Variants in TCF4 observed in about 807,000 individuals in gnomAD.
The protein encoded by TCF4 is transcription factor 4, also known as SL3-3 enhancer factor 2.
Under a neutral mutation model 82.1 loss-of-function variants are expected in TCF4, and 3 were observed. The observed-to-expected ratio is 0.04, with a 90% CI of 0.02 to 0.09. The LOEUF is 0.09. Ranked by LOEUF, TCF4 falls within the 10% of genes least tolerant of loss-of-function variation. The pLI, the probability that TCF4 is intolerant of heterozygous loss-of-function variation, is 1.00. For synonymous variants in TCF4, 276 were observed against 309.6 expected (o/e 0.89, Z 1.14); for missense variants, 518 against 852.7 (o/e 0.61, Z 4.89).
chr18:55,228,445 A>G (rs2046956987), intron 18 of TCF4, 84 bp from the exon 19 acceptor site: 5 of 1,566,018 alleles, frequency 3.2e-6, no homozygotes, highest in Non-Finnish European at 4.4e-6. Context: ...TGCGTGTCTG[A>G]CCTTTTTCTC....
chr18:55,507,438 A>C (rs2096775271), intron 3 of TCF4, among the ~76,000 whole-genome samples: 1 of 152,202 alleles, frequency 6.6e-6, no homozygotes, highest in Non-Finnish European at 1.5e-5. Flanking sequence ...AGATTTCATC[A>C]AATGGCGAGC....
chr18:55,444,405 A>G (rs567173769), intron 5 of TCF4, among the ~76,000 whole-genome samples: 1 of 152,350 alleles, frequency 6.6e-6, no homozygotes, highest in Non-Finnish European at 1.5e-5. Flanking sequence ...GAGATGAACT[A>G]GAACACAGCA....
At chr18:55,340,630 C>A (rs1317410338) in intron 8 of TCF4, among the ~76,000 whole-genome samples, 1 of 146,020 alleles carries the variant, frequency 6.8e-6, no homozygotes, top group Non-Finnish European at 1.5e-5. Flanking sequence ...TCAGAAAAAG[C>A]AAGTGACCTC....
intron 15 of TCF4, among the ~76,000 whole-genome samples, chr18:55,237,531 G>A (rs1437898852): frequency 8.8e-5 from 13 of 147,338 alleles, no homozygotes; most frequent in Non-Finnish European, 1.8e-4. Context: ...GTGCAGGGGT[G>A]CAATCTCCGT....
chr18:55,257,751 C>T (rs1204932359), intron 13 of TCF4, among the ~76,000 whole-genome samples: 3 of 152,106 alleles, frequency 2.0e-5, no homozygotes, highest in Non-Finnish European at 4.4e-5. Flanking sequence ...TCATGCAAGG[C>T]TAGTTTATGT....
intron 3 of TCF4, among the ~76,000 whole-genome samples, chr18:55,503,793 G>A (rs1209514723): frequency 6.6e-6 from 1 of 152,170 alleles, no homozygotes; most frequent in Non-Finnish European, 1.5e-5. Flanking sequence ...CTATTCTAAT[G>A]GCCGGGCACT....
intron 2 of TCF4, chr18:55,586,135 A>AGGAGAAGG: frequency 7.7e-7 from 1 of 1,297,774 alleles, no homozygotes; most frequent in Non-Finnish European, 1.0e-6. Flanking sequence ...GGAGGAGGAG[A>AGGAGAAGG]AGGAGGAGGA....
intron 8 of TCF4, among the ~76,000 whole-genome samples, chr18:55,348,593 C>T (rs1569126294): frequency 6.6e-6 from 1 of 152,076 alleles, no homozygotes; most frequent in African/African-American, 2.4e-5. Flanking sequence ...AAACACTGTA[C>T]CAGTAAAATT....
At chr18:55,386,614 A>G (rs2092628422) in intron 6 of TCF4, among the ~76,000 whole-genome samples, 1 of 152,248 alleles carries the variant, frequency 6.6e-6, no homozygotes, top group Admixed American at 6.5e-5. Flanking sequence ...AATAAAATTC[A>G]AACAATACAG....
At chr18:55,263,196 T>C (rs1001839855) in intron 11 of TCF4, among the ~76,000 whole-genome samples, 16 of 152,126 alleles carry the variant, frequency 1.1e-4, no homozygotes, top group African/African-American at 3.9e-4. Context: ...ATCTGGCACA[T>C]GATAAGAAGA....
At chr18:55,374,869 T>TC (rs2090320318) in intron 6 of TCF4, among the ~76,000 whole-genome samples, 1 of 99,726 alleles carries the variant, frequency 1.0e-5, no homozygotes, top group Non-Finnish European at 1.9e-5. Flanking sequence ...TGAGGCCCTG[T>TC]CTAAAAAAAA....
intron 8 of TCF4, among the ~76,000 whole-genome samples, chr18:55,288,097 CT>C (rs762742893): frequency 4.5e-4 from 68 of 152,234 alleles, no homozygotes; most frequent in Non-Finnish European, 6.5e-4. Flanking sequence ...GGCAGCAAAA[CT>C]GCCAGGAGAG....
chr18:55,523,994 C>T (rs1330517532), intron 3 of TCF4, among the ~76,000 whole-genome samples: 1 of 152,048 alleles, frequency 6.6e-6, no homozygotes, highest in East Asian at 1.9e-4. Context: ...TAAATATTCA[C>T]TGAAAATTTA....
intron 3 of TCF4, among the ~76,000 whole-genome samples, chr18:55,478,819 A>G (rs2096358138): frequency 6.6e-6 from 1 of 151,502 alleles, no homozygotes; most frequent in African/African-American, 2.4e-5. Context: ...TGGCATAAGG[A>G]GATTTAAACT....
At chr18:55,343,705 C>G (rs1226791927) in intron 8 of TCF4, among the ~76,000 whole-genome samples, 1 of 152,132 alleles carries the variant, frequency 6.6e-6, no homozygotes, top group African/African-American at 2.4e-5. Context: ...TAGCTCTACA[C>G]CTATGCAGCA....
At chr18:55,591,564 C>T (rs2097685371), upstream of TCF4, among the ~76,000 whole-genome samples, 1 of 152,202 alleles carries the variant, frequency 6.6e-6, no homozygotes, top group Non-Finnish European at 1.5e-5. Flanking sequence ...GTTGCCCAGG[C>T]TGGAGTGCAA....
intron 6 of TCF4, among the ~76,000 whole-genome samples, chr18:55,383,432 C>T (rs2092237655): frequency 2.0e-5 from 3 of 152,168 alleles, no homozygotes; most frequent in Admixed American, 2.0e-4. Context: ...TAAATCACTT[C>T]CAAATATAGC....
intron 15 of TCF4, among the ~76,000 whole-genome samples, chr18:55,247,703 G>A (rs1252293455): frequency 6.6e-6 from 1 of 152,190 alleles, no homozygotes; most frequent in East Asian, 1.9e-4. Flanking sequence ...GGAAGCAATG[G>A]AGTTCATGAC....
intron 3 of TCF4, among the ~76,000 whole-genome samples, chr18:55,584,364 A>G (rs2097611293): frequency 6.6e-6 from 1 of 152,146 alleles, no homozygotes; most frequent in African/African-American, 2.4e-5. Context: ...CATTGCCAGA[A>G]CTCCTAAAAT....
Sources: gnomAD v4.1 joint callset for allele counts (sites outside exome capture counted in the v4.1 genomes callset) on GRCh38, gnomAD v4.1.1 for gene constraint, MANE v1.5 for transcripts, NCBI Gene and HGNC (gene_info 2026-07-23, HGNC 2026-07-21) for gene names.